The following PHOX2B variants were observed in gnomAD, a reference collection of about 807,000 sequenced individuals.
The protein encoded by PHOX2B is paired mesoderm homeobox protein 2B.
In PHOX2B, 1 loss-of-function variant was observed where a neutral mutation model predicts 15.5. The ratio of observed to expected loss-of-function variants is 0.06; its 90% confidence interval spans 0.02 to 0.31. The LOEUF is 0.31. Ranked by LOEUF, PHOX2B falls within the 10% of genes least tolerant of loss-of-function variation. The pLI is 1.00. For missense variants in PHOX2B, 314 were observed against 436.4 expected (o/e 0.72, Z 2.50); for synonymous variants, 206 against 190.5 (o/e 1.08, Z -0.67).
chr4:41,748,389 C>T lies in PHOX2B; in HGVS notation c.222G>A (p.Gln74=). 2 of 1,614,192 alleles carry T rather than the reference C, an allele frequency of 1.2e-6. No individual in the cohort carries two copies. Among genetic ancestry groups the T allele is most frequent in the South Asian group, 1.1e-5 (1 of 91,088 alleles). ...CCTTACCTGCGGCGTACGGACTGCT[C>T]TGGTGGTCCCTGAGGGTGCCCAGGC... ...SCSLGTLRDH[Q]SSPYAAVPYK... Residue 74 remains glutamine (Q), a synonymous_variant, in exon 1 of 3, where the codon CAG becomes CAA. Coordinates refer to ENST00000226382, the MANE Select transcript of PHOX2B (RefSeq NM_003924.4).
chr4:41,745,749 C>G lies in PHOX2B; in HGVS notation c.*58G>C, dbSNP rs886059413. 51 of 1,561,256 alleles carry G rather than the reference C, an allele frequency of 3.3e-5. 1 individual carries two copies. In the South Asian group the frequency reaches 5.6e-4, roughly 17 times the overall value. Reference sequence around the variant, plus strand: ...GGGCCTACCCGCTCGCCCACTCGCCCGCCCGGGCCCTGGCTCGCCCGCTGT... The same window carrying G: ...GGGCCTACCCGCTCGCCCACTCGCCGGCCCGGGCCCTGGCTCGCCCGCTGT... On this transcript the variant is annotated 3_prime_UTR_variant, in exon 3 of 3. Transcript: ENST00000226382. This position sits in a 1 kb window ranked among gnomAD's most constrained non-coding sequence, Gnocchi z 4.0.
Position 41,745,768 on chromosome 4 carries a change from C to T in PHOX2B, c.*39G>A. The T allele has an allele frequency of 6.3e-7, 1 of 1,583,410 alleles. No individual in the cohort carries two copies. ...CTCGCCCGCCCGGGCCCTGGCTCGC[C>T]CGCTGTCGCCGCCGCCGCCGCCGCC... On this transcript the variant is annotated 3_prime_UTR_variant, in exon 3 of 3. Transcript: ENST00000226382. This position sits in a 1 kb window ranked among gnomAD's most constrained non-coding sequence, Gnocchi z 4.0.
At chr4:41,747,094 A>C (rs1429375595) in intron 2 of PHOX2B, among the ~76,000 whole-genome samples, 3 of 152,188 alleles carry the variant, frequency 2.0e-5, no homozygotes, top group Non-Finnish European at 4.4e-5. Flanking sequence ...TGCATCGCTC[A>C]TCCACGTCCC....
At position 41,745,480 on chromosome 4, in the gene PHOX2B, C is replaced by T. The variant is rs551679079; in HGVS notation, c.*327G>A. ...CAAACTGACACGCAGACACAGCCCC[C>T]TGAGAGTGCCCCGCGTCCAGGCCGC... is the stretch of plus-strand genomic sequence containing the variant. On this transcript the variant is annotated 3_prime_UTR_variant, in exon 3 of 3. Transcript: ENST00000226382. This position sits in a 1 kb window ranked among gnomAD's most constrained non-coding sequence, Gnocchi z 4.0. 60 of 332,636 alleles carry T rather than the reference C, an allele frequency of 1.8e-4. No homozygotes were observed. The highest frequency in any genetic ancestry group is 1.2e-3 in the African/African-American group (54 of 46,860). The allele number at this position is 332,636 out of a possible 1,614,324, so 20.6% of individuals were successfully genotyped here.
At position 41,745,996 on chromosome 4, in the gene PHOX2B, CGCCGCCGCTGCCGCGGCCGCCGCCGCT is replaced by C. The variant is rs746332313; in HGVS notation, c.729_755del (p.Ala252_Ala260del). The C allele has an allele frequency of 2.0e-5, 24 of 1,204,808 alleles. No individual in the cohort carries two copies. Among genetic ancestry groups the C allele is most frequent in the Non-Finnish European group, 2.5e-5 (24 of 972,976 alleles). The allele number at this position is 1,204,808 out of a possible 1,614,324, so 74.6% of individuals were successfully genotyped here. Reference sequence around the variant, plus strand: ...CAGCTGCCGCCGCTGCCGCTGCCGCCGCCGCCGCTGCCGCGGCCGCCGCCGCTGCTGCTGCGCCGCCCTTGCCGGGTT... The same window carrying C: ...CAGCTGCCGCCGCTGCCGCTGCCGCCGCTGCTGCGCCGCCCTTGCCGGGTT... On this transcript the variant is annotated inframe_deletion, in exon 3 of 3. Coordinates refer to ENST00000226382, the MANE Select transcript of PHOX2B (RefSeq NM_003924.4). This position sits in a 1 kb window ranked among gnomAD's most constrained non-coding sequence, Gnocchi z 4.0.
chr4:41,748,234 G>A (rs931630497), intron 1 of PHOX2B, 136 bp downstream of exon 1: 2 of 968,824 alleles, frequency 2.1e-6, no homozygotes, highest in East Asian at 2.6e-5. Context: ...CTTCTAACGT[G>A]ATAAATTCTT....
intron 1 of PHOX2B, 186 bp downstream of exon 1, chr4:41,748,184 T>G (rs888967714): frequency 1.5e-6 from 1 of 651,062 alleles, no homozygotes; most frequent in Admixed American, 2.8e-5. Flanking sequence ...GTGACTAGGA[T>G]AGTGTAACCC....
rs756644504 is a variant in PHOX2B, at chr4:41,745,827, C to G, written c.925G>C (p.Val309Leu). ...CCAGATCAGAACATACTGCTCTTCA[C>G]TAAGGCGGCTTTGGCACCGTTGGGT... ...QRPNGAKAAL[V>L]KSSMF Residue 309 changes from valine to leucine, a missense_variant, in exon 3 of 3, where the codon GTG (valine) becomes CTG (leucine). Coordinates refer to ENST00000226382, the MANE Select transcript of PHOX2B (RefSeq NM_003924.4). The surrounding 1 kb of genome is among the most constrained non-coding windows in gnomAD (Gnocchi z 4.0). 1 of 1,609,058 alleles carries G rather than the reference C, an allele frequency of 6.2e-7. No individual in the cohort carries two copies. Among genetic ancestry groups the G allele is most frequent in the South Asian group, 1.1e-5 (1 of 90,726 alleles).
chr4:41,747,764 T>C (rs1733959999), intron 1 of PHOX2B: 1 of 689,614 alleles, frequency 1.5e-6, no homozygotes, highest in South Asian at 1.5e-5. Context: ...CACAAGCGCC[T>C]TTGGGTGGAT....
chr4:41,748,270 G>T, intron 1 of PHOX2B, 100 bp downstream of exon 1: 1 of 1,370,318 alleles, frequency 7.3e-7, no homozygotes, highest in Non-Finnish European at 1.0e-6. Flanking sequence ...AATTTCGTTT[G>T]GTAAATACTA....
rs1475326335 is a variant in PHOX2B at position 41,745,894 on chromosome 4, C to T, written c.858G>A (p.Ser286=). ...GGACGCTGGCGAAGGGACCCCCAAG[C>T]GAATCCGGGATGGAGGTGATGGGGC... ...GPGPITSIPD[S]LGGPFASVLS... Residue 286 remains serine, a synonymous_variant, in exon 3 of 3, where the codon TCG becomes TCA. Transcript: ENST00000226382. The surrounding 1 kb of genome is among the most constrained non-coding windows in gnomAD (Gnocchi z 4.0). 1.9e-6 allele frequency: 3 copies of T among 1,607,802 alleles called. No homozygotes were observed. The highest frequency in any genetic ancestry group is 2.5e-6 in the Non-Finnish European group (3 of 1,177,226).
Position 41,747,662 on chromosome 4 carries a change from G to A in PHOX2B, c.242-126C>T, listed in dbSNP as rs759061977. The A allele has an allele frequency of 7.5e-5, 59 of 791,160 alleles. 2 individuals carry two copies. The South Asian group carries it at 8.2e-4, about 11-fold the overall frequency. The allele number at this position is 791,160 out of a possible 1,614,324, so 49.0% of individuals were successfully genotyped here. A position where few individuals can be genotyped will look rare whatever the true frequency, so the allele number is the denominator to read the frequency against. Reference sequence around the variant, plus strand: ...CCGCTACCTACACCCGCGCGAGAGAGTTGCCGAGAGAAGCTGCGGGAAGAA... The same window carrying A: ...CCGCTACCTACACCCGCGCGAGAGAATTGCCGAGAGAAGCTGCGGGAAGAA... On this transcript the variant is annotated intron_variant, in intron 1 of 2. Coordinates refer to ENST00000226382, the MANE Select transcript of PHOX2B (RefSeq NM_003924.4).
rs1733988791 is a variant in PHOX2B, at chr4:41,748,573, G to A, written c.38C>T (p.Ala13Val). ...CATCCCAGCCATACAGGACTCGTAG[G>A]CAGAGGAATTGAGGTAAGAATATTC... The part of the protein sequence containing the change: ...KMEYSYLNSS[A>V]YESCMAGMDT... Residue 13 changes from alanine to valine, a missense_variant, in exon 1 of 3, where the codon GCC becomes GTC. Physicochemically the swap from Ala to Val is moderately conservative, Grantham distance 64 (BLOSUM62 0). Transcript: ENST00000226382. 1 of 1,613,026 alleles carries A rather than the reference G, an allele frequency of 6.2e-7. No individual in the cohort carries two copies. The highest frequency in any genetic ancestry group is 1.3e-5 in the African/African-American group (1 of 74,916).
Position 41,745,673 on chromosome 4 carries a change from A to T in PHOX2B, c.*134T>A. The T allele has an allele frequency of 9.0e-7, 1 of 1,113,380 alleles. No homozygotes were observed. Among genetic ancestry groups the T allele is most frequent in the Non-Finnish European group, 1.2e-6 (1 of 802,878 alleles). The allele number at this position is 1,113,380 out of a possible 1,614,324, so 69.0% of individuals were successfully genotyped here. A position where few individuals can be genotyped will look rare whatever the true frequency, so the allele number is the denominator to read the frequency against. Reference sequence around the variant, plus strand: ...TTTTCCCTTTATTCTTAGCGCGATTACTTTAGGCCCTCAATGAAAAAGCCA... The same window carrying T: ...TTTTCCCTTTATTCTTAGCGCGATTTCTTTAGGCCCTCAATGAAAAAGCCA... On this transcript the variant is annotated 3_prime_UTR_variant, in exon 3 of 3. Transcript: ENST00000226382. This position sits in a 1 kb window ranked among gnomAD's most constrained non-coding sequence, Gnocchi z 4.0.
rs1312296810 is a variant in PHOX2B at position 41,747,535 on chromosome 4, A to C, written c.243T>G (p.Val81=). ...CGTGGTCCGTGAAGAGTTTGTAAGG[A>C]ACTAGAGTATGACAGAGGAGACAGA... ...RDHQSSPYAA[V]PYKLFTDHGG... is the part of the protein sequence containing the mutation. The change falls in exon 2 of 3, where the codon GTT becomes GTG. Residue 81 remains valine (V), a splice_region_variant and synonymous_variant. Coordinates refer to ENST00000226382, the MANE Select transcript of PHOX2B (RefSeq NM_003924.4). 1.9e-6 allele frequency: 3 copies of C among 1,605,900 alleles called. No individual in the cohort carries two copies. Among genetic ancestry groups the C allele is most frequent in the Non-Finnish European group, 2.5e-6 (3 of 1,179,666 alleles).
In PHOX2B at chr4:41,746,005, T is replaced by TGCC. The variant is rs974244048; in HGVS notation, c.744_746dup (p.Ala260dup). On this transcript the variant is annotated inframe_insertion, in exon 3 of 3. Transcript: ENST00000226382. Reference sequence around the variant, plus strand: ...CCGCTGCCGCTGCCGCCGCCGCCGCTGCCGCGGCCGCCGCCGCTGCTGCTG... The same window carrying TGCC: ...CCGCTGCCGCTGCCGCCGCCGCCGCTGCCGCCGCGGCCGCCGCCGCTGCTGCTG... 8.7e-7 allele frequency: 1 copy of TGCC among 1,148,040 alleles called. No homozygotes were observed. The highest frequency in any genetic ancestry group is 1.7e-5 in the African/African-American group (1 of 60,014). 71.1% of individuals were successfully genotyped at this position (1,148,040 alleles called of 1,614,324 possible).
chr4:41,745,626 G>C lies in PHOX2B; in HGVS notation c.*181C>G, dbSNP rs1733858205. On this transcript the variant is annotated 3_prime_UTR_variant, in exon 3 of 3. Coordinates refer to ENST00000226382, the MANE Select transcript of PHOX2B (RefSeq NM_003924.4). The surrounding 1 kb of genome is among the most constrained non-coding windows in gnomAD (Gnocchi z 4.0). Reference sequence around the variant, plus strand: ...GGGTTGAGGAAGGGGGTAGGAGTGGGGTTGAAATGAGGGCGACGCCGTTTT... The same window carrying C: ...GGGTTGAGGAAGGGGGTAGGAGTGGCGTTGAAATGAGGGCGACGCCGTTTT... 2 of 693,016 alleles carry C rather than the reference G, an allele frequency of 2.9e-6. No homozygotes were observed. Among genetic ancestry groups the C allele is most frequent in the Admixed American group, 3.4e-5 (1 of 29,520 alleles). The allele number at this position is 693,016 out of a possible 1,614,324, so 42.9% of individuals were successfully genotyped here.
At position 41,746,101 on chromosome 4, in the gene PHOX2B, C is replaced by A. The variant is rs777081672; in HGVS notation, c.651G>T (p.Gly217=). The A allele has an allele frequency of 3.2e-6, 5 of 1,568,094 alleles. No homozygotes were observed. The highest frequency in any genetic ancestry group is 1.1e-5 in the South Asian group (1 of 87,422). The change falls in exon 3 of 3, where the codon GGG becomes GGT. Residue 217 remains glycine, a synonymous_variant. Transcript: ENST00000226382. ...SCGANGGGGG[G]PSPAGAPGAA... is the part of the protein sequence containing the mutation. ...CCCCCGGAGCTCCAGCCGGGCTGGG[C>A]CCGCCGCCGCCGCCTCCATTCGCCC...
At chr4:41,747,220 T>G in intron 2 of PHOX2B, 129 bp downstream of exon 2, 2 of 722,430 alleles carry the variant, frequency 2.8e-6, no homozygotes, top group East Asian at 5.3e-5. Context: ...CCAGTATTTC[T>G]GATCGGCCAT....
Sources: gnomAD v4.1 joint callset for allele counts (sites outside exome capture counted in the v4.1 genomes callset) on GRCh38, gnomAD v4.1.1 for gene constraint, Gnocchi (gnomAD v3.1) non-coding constraint, MANE v1.5 for transcripts, NCBI Gene and HGNC (gene_info 2026-07-23, HGNC 2026-07-21) for gene names.